MEIS2: variants seen among roughly 807,000 people sequenced by gnomAD.
MEIS2 encodes homeobox protein Meis2.
Under a neutral mutation model 58.6 loss-of-function variants are expected in MEIS2, and 9 were observed. The observed-to-expected ratio is 0.15, with a 90% CI of 0.09 to 0.27. The LOEUF is 0.27. Ranked by LOEUF, MEIS2 falls within the 10% of genes least tolerant of loss-of-function variation. The pLI is 1.00. For missense variants in MEIS2, 427 were observed against 635.0 expected, an observed-to-expected ratio of 0.67 and a Z score of 3.52; for synonymous variants, 221 against 228.4, an observed-to-expected ratio of 0.97 and a Z score of 0.29.
intron 8 of MEIS2, among the ~76,000 whole-genome samples, chr15:37,001,860 T>C (rs2060741429): frequency 6.6e-6 from 1 of 152,240 alleles, no homozygotes; most frequent in African/African-American, 2.4e-5. Context: ...CTTAAACCTA[T>C]GTTATTATTA....
chr15:37,009,877 G>C (rs576805579), intron 8 of MEIS2, among the ~76,000 whole-genome samples: 2 of 152,278 alleles, frequency 1.3e-5, no homozygotes, highest in South Asian at 4.2e-4. Flanking sequence ...ATATGGATAT[G>C]AATTAAAAAA....
chr15:37,090,460 A>C (rs1893378987), intron 6 of MEIS2, among the ~76,000 whole-genome samples: 1 of 152,144 alleles, frequency 6.6e-6, no homozygotes, highest in Non-Finnish European at 1.5e-5. Context: ...AAATGTGAAC[A>C]GGATTTACTA....
chr15:36,936,471 T>A (rs184927848), intron 9 of MEIS2, among the ~76,000 whole-genome samples: 2 of 152,268 alleles, frequency 1.3e-5, no homozygotes, highest in African/African-American at 4.8e-5. Context: ...CTTCAGTTAG[T>A]TTGACAGTTT....
rs548076010 is a variant in MEIS2 at position 37,002,907 on chromosome 15, A to C, written c.900+33907T>G. Among the ~76,000 whole-genome samples, 3 of 152,250 alleles carry C rather than the reference A, an allele frequency of 2.0e-5. No homozygotes were observed. In the South Asian group the frequency reaches 6.2e-4, roughly 32 times the overall value. On this transcript the variant is annotated intron_variant, in intron 8 of 11. Coordinates refer to ENST00000561208, the MANE Select transcript of MEIS2 (RefSeq NM_170675.5). ...TCTAAGAAGACAGTGCTACAACAAA[A>C]TTTGTTTTATTTTTAAATTTATTAA...
In MEIS2 at chr15:37,034,165, G is replaced by A. The variant is rs80296705; in HGVS notation, c.900+2649C>T. 3.3e-5 allele frequency among the ~76,000 whole-genome samples: 5 copies of A among 152,126 alleles called. No individual in the cohort carries two copies. In the South Asian group the frequency reaches 1.0e-3, roughly 31 times the overall value. On this transcript the variant is annotated intron_variant, in intron 8 of 11. Transcript: ENST00000561208. ...AAGAATGACCCATGAGGCTGGGACC[G>A]GGCATTGCTCTGACTAAATGTCCTT...
chr15:36,959,162 T>C (rs1056588834), intron 8 of MEIS2, among the ~76,000 whole-genome samples: 10 of 152,206 alleles, frequency 6.6e-5, no homozygotes, highest in Non-Finnish European at 1.2e-4. Context: ...TCTTTTAAGA[T>C]GTCCCTGATT....
intron 9 of MEIS2, among the ~76,000 whole-genome samples, chr15:36,907,582 A>G (rs1732770329): frequency 6.6e-6 from 1 of 152,214 alleles, no homozygotes; most frequent in African/African-American, 2.4e-5. Context: ...CTGCTGCTTT[A>G]AAAGAAAGGA....
At chr15:37,029,480 A>G (rs1015141250) in intron 8 of MEIS2, among the ~76,000 whole-genome samples, 5 of 152,216 alleles carry the variant, frequency 3.3e-5, no homozygotes, top group African/African-American at 1.2e-4. Context: ...TAACCATTCA[A>G]GATCCTTAAA....
chr15:37,002,637 A>G (rs1440481183), intron 8 of MEIS2, among the ~76,000 whole-genome samples: 3 of 152,042 alleles, frequency 2.0e-5, no homozygotes, highest in Non-Finnish European at 4.4e-5. Context: ...TTCCTCATCT[A>G]GTAGCATTTT....
intron 10 of MEIS2, among the ~76,000 whole-genome samples, chr15:36,895,510 T>C (rs1216198480): frequency 6.6e-5 from 10 of 152,172 alleles, no homozygotes; most frequent in African/African-American, 1.2e-4. Context: ...CCCTTGCTTT[T>C]TTACTTATCT....
chr15:36,892,841 A>G (rs544983759), intron 11 of MEIS2, among the ~76,000 whole-genome samples: 107 of 152,364 alleles, frequency 7.0e-4, no homozygotes, highest in Non-Finnish European at 1.4e-3. Context: ...AGACCTGGAC[A>G]AAAATTGTAG....
chr15:36,989,333 C>T (rs926300486), intron 8 of MEIS2, among the ~76,000 whole-genome samples: 1 of 152,180 alleles, frequency 6.6e-6, no homozygotes, highest in South Asian at 2.1e-4. Context: ...CCAGCTGCCA[C>T]CTTATCATGC....
chr15:37,076,199 C>T (rs1223980743), intron 7 of MEIS2, among the ~76,000 whole-genome samples: 1 of 151,910 alleles, frequency 6.6e-6, no homozygotes, highest in African/African-American at 2.4e-5. Flanking sequence ...TACCCTCCTC[C>T]CCAGCAAAAA....
At chr15:37,099,026 C>A (rs995037755) in intron 1 of MEIS2, 43 of 983,056 alleles carry the variant, frequency 4.4e-5, no homozygotes, top group Non-Finnish European at 4.1e-5. Context: ...GCGGCGGCCC[C>A]GGCGGCGGCT....
chr15:36,901,785 C>T lies in MEIS2; in HGVS notation c.978-5099G>A, dbSNP rs369179932. Among the ~76,000 whole-genome samples, 3 of 152,268 alleles carry T rather than the reference C, an allele frequency of 2.0e-5. No individual in the cohort carries two copies. The East Asian group carries it at 5.8e-4, about 29-fold the overall frequency. Reference sequence around the variant, plus strand: ...TCATGCTGACATAAAAGGCCCTGGACAAAATTATCAAGTAAGTGATGGCCT... The same window carrying T: ...TCATGCTGACATAAAAGGCCCTGGATAAAATTATCAAGTAAGTGATGGCCT... On this transcript the variant is annotated intron_variant, in intron 9 of 11. Coordinates refer to ENST00000561208, the MANE Select transcript of MEIS2 (RefSeq NM_170675.5).
intron 7 of MEIS2, among the ~76,000 whole-genome samples, chr15:37,057,087 T>C (rs757840347): frequency 2.0e-5 from 3 of 152,216 alleles, no homozygotes; most frequent in African/African-American, 7.2e-5. Context: ...GGTTCCTCAT[T>C]ACATGGAGTC....
At chr15:36,930,340 T>C (rs2057926197) in intron 9 of MEIS2, among the ~76,000 whole-genome samples, 1 of 151,640 alleles carries the variant, frequency 6.6e-6, no homozygotes, top group East Asian at 1.9e-4. Context: ...AAAAAGGAGC[T>C]GCCAAAGTAC....
rs1567126001 is a variant in MEIS2 at position 36,971,536 on chromosome 15, T to TAAAAAAAAAAAAAAAAAAAAAA, written c.901-21137_901-21136insTTTTTTTTTTTTTTTTTTTTTT. Among the ~76,000 whole-genome samples the TAAAAAAAAAAAAAAAAAAAAAA allele has an allele frequency of 2.9e-3, 188 of 65,418 alleles. 51 individuals carry two copies. Among genetic ancestry groups the TAAAAAAAAAAAAAAAAAAAAAA allele is most frequent in the East Asian group, 6.5e-3 (17 of 2,618 alleles). The allele number at this position is 65,418 out of a possible 152,430, so 42.9% of individuals were successfully genotyped here. A position where few individuals can be genotyped will look rare whatever the true frequency, so the allele number is the denominator to read the frequency against. The stretch of plus-strand genomic sequence containing the variant: ...TGTATTACTTGTATGCCTTGTTACA[T>TAAAAAAAAAAAAAAAAAAAAAA]TAAAAAAAAAAAAAAAAAAAAAAAA... On this transcript the variant is annotated intron_variant, in intron 8 of 11. Transcript: ENST00000561208.
At chr15:37,083,679 G>A (rs1215279648) in intron 7 of MEIS2, 92 bp downstream of exon 7, 2 of 995,030 alleles carry the variant, frequency 2.0e-6, no homozygotes, top group African/African-American at 1.6e-5. Flanking sequence ...CCACTCTCCT[G>A]TTTACATGGC....
Sources: gnomAD v4.1 joint callset for allele counts (sites outside exome capture counted in the v4.1 genomes callset) on GRCh38, gnomAD v4.1.1 for gene constraint, MANE v1.5 for transcripts, NCBI Gene and HGNC (gene_info 2026-07-23, HGNC 2026-07-21) for gene names.